Variants in MYBPC1 observed in about 807,000 individuals in gnomAD.
The protein encoded by MYBPC1 is myosin binding protein C1, also known as myosin-binding protein C, slow-type.
A neutral mutation model predicts 147.1 loss-of-function variants in MYBPC1; 52 were observed. The ratio of observed to expected loss-of-function variants is 0.35; its 90% CI spans 0.28 to 0.45. MYBPC1 has a LOEUF of 0.45. Ranked by LOEUF, MYBPC1 falls within the 20% of genes least tolerant of loss-of-function variation. The probability of loss-of-function intolerance (pLI) is 1.00; values close to 1 mark genes in which losing one functional copy is unlikely to be tolerated. For synonymous variants in MYBPC1, 477 were observed against 475.9 expected (o/e 1.00, Z -0.03); for missense variants, 1,228 against 1,440.3 (o/e 0.85, Z 2.39).
At chr12:101,595,643 T>C (rs760939452) in intron 1 of MYBPC1, among the ~76,000 whole-genome samples, 47 of 152,264 alleles carry the variant, frequency 3.1e-4, no homozygotes, top group Non-Finnish European at 6.2e-4. Flanking sequence ...GGAGGTTCGT[T>C]ATTAAATTCT....
At chr12:101,680,786 C>T (rs148455886) in intron 29 of MYBPC1, among the ~76,000 whole-genome samples, 106 of 152,152 alleles carry the variant, frequency 7.0e-4, no homozygotes, top group African/African-American at 2.4e-3. Context: ...GTGATTTGTG[C>T]TAAGGGACTG....
Position 101,649,307 on chromosome 12 carries a change from G to A in MYBPC1, c.1244G>A (p.Arg415Gln), listed in dbSNP as rs147400257. ...ATCCCTGGTCCAAAATCAAGATACC[G>A]AATTAGAGTTGAGGGTAAAAAACAC... ...EIIPGPKSRY[R>Q]IRVEGKKHIL... Residue 415 changes from arginine (R) to glutamine (Q), a missense_variant, in exon 15 of 32, where the codon CGA (arginine) becomes CAA (glutamine). This residue lies in a region of MYBPC1 where 1,077 missense variants were observed against 1,314.2 expected (regional missense o/e 0.82). Coordinates refer to ENST00000361466, the MANE Select transcript of MYBPC1 (RefSeq NM_002465.4). The A allele has an allele frequency of 1.7e-5, 27 of 1,613,638 alleles. No homozygotes were observed. Among genetic ancestry groups the A allele is most frequent in the African/African-American group, 1.2e-4 (9 of 74,904 alleles).
At chr12:101,663,663 C>T (rs781108643) in intron 22 of MYBPC1, 103 bp downstream of exon 22, 182 of 1,331,130 alleles carry the variant, frequency 1.4e-4, no homozygotes, top group Non-Finnish European at 1.8e-4. Flanking sequence ...CACCTTCCTA[C>T]GAAAATAAGA....
intron 26 of MYBPC1, among the ~76,000 whole-genome samples, chr12:101,676,921 A>G (rs1420274035): frequency 6.6e-6 from 1 of 152,236 alleles, no homozygotes; most frequent in African/African-American, 2.4e-5. Context: ...AGACAGGTAG[A>G]TAAATAGATG....
chr12:101,652,777 T>C lies in MYBPC1; in HGVS notation c.1626T>C (p.His542=). 6.2e-7 allele frequency: 1 copy of C among 1,609,406 alleles called. No individual in the cohort carries two copies. The highest frequency in any genetic ancestry group is 8.5e-7 in the Non-Finnish European group (1 of 1,175,736). ...AYNVTLPAKV[H]VIDPPKIILD... The stretch of plus-strand genomic sequence containing the variant: ...ATGTTACTCTGCCTGCCAAAGTTCA[T>C]GTTATTGGTGAGTAGATAAAATAAT... Residue 542 remains histidine, a synonymous_variant, in exon 17 of 32, where the codon CAT becomes CAC. Transcript: ENST00000361466.
At chr12:101,687,558 C>T (rs2888579), downstream of MYBPC1, among the ~76,000 whole-genome samples, 1,959 of 152,266 alleles carry the variant, frequency 0.013, 35 homozygotes, top group African/African-American at 0.043. Flanking sequence ...AAGAAAGCTA[C>T]GTGCACAGTA....
rs1280010451 is a variant in MYBPC1 at position 101,653,170 on chromosome 12, T to C, written c.1689T>C (p.Ile563=). Residue 563 remains isoleucine (I), a synonymous_variant, in exon 18 of 32, where the codon ATT becomes ATC. Transcript: ENST00000361466. ...GLDADNTVTV[I]AGNKLRLEIP... is the part of the protein sequence containing the mutation. ...ATGCTGACAACACAGTGACAGTGATTGCAGGAAACAAGCTTCGTCTTGAGA... is the reference window on the plus strand; with the variant it reads ...ATGCTGACAACACAGTGACAGTGATCGCAGGAAACAAGCTTCGTCTTGAGA... 6.2e-7 allele frequency: 1 copy of C among 1,614,164 alleles called. No homozygotes were observed. Among genetic ancestry groups the C allele is most frequent in the Non-Finnish European group, 8.5e-7 (1 of 1,180,016 alleles).
intron 22 of MYBPC1, 33 bp from the exon 23 acceptor site, chr12:101,667,699 C>T (rs1201408031): frequency 2.5e-6 from 4 of 1,613,284 alleles, no homozygotes; most frequent in Non-Finnish European, 3.4e-6. Context: ...AACAGCATTC[C>T]TCCTTCTTTT....
chr12:101,677,791 A>T (rs1169171771), intron 27 of MYBPC1, among the ~76,000 whole-genome samples: 1 of 152,206 alleles, frequency 6.6e-6, no homozygotes, highest in Non-Finnish European at 1.5e-5. Context: ...TTTCATCATA[A>T]ACCACTCTTC....
At chr12:101,673,722 C>G in intron 25 of MYBPC1, 100 bp downstream of exon 25, 1 of 1,250,482 alleles carries the variant, frequency 8.0e-7, no homozygotes, top group Non-Finnish European at 1.2e-6. Flanking sequence ...TAGGCTGGCT[C>G]TACATAAAAC....
chr12:101,675,226 C>T (rs2136751091), intron 25 of MYBPC1, 66 bp from the exon 26 acceptor site: 2 of 1,597,666 alleles, frequency 1.3e-6, no homozygotes, highest in Non-Finnish European at 1.7e-6. Flanking sequence ...AAAATATCCT[C>T]ATGAAACAAA....
At chr12:101,654,156 G>A (rs1852529) in intron 18 of MYBPC1, among the ~76,000 whole-genome samples, 58,136 of 152,060 alleles carry the variant, frequency 0.38, 12,240 homozygotes, top group Admixed American at 0.54. Flanking sequence ...GCAGTGAGCC[G>A]AGATCACGCC....
chr12:101,648,264 C>A, intron 14 of MYBPC1, 114 bp downstream of exon 14: 1 of 727,298 alleles, frequency 1.4e-6, no homozygotes, highest in East Asian at 3.0e-5. Context: ...CAATCTCCAC[C>A]TCATTTGTGT....
chr12:101,648,301 C>T, intron 14 of MYBPC1, 151 bp downstream of exon 14: 2 of 589,628 alleles, frequency 3.4e-6, no homozygotes, highest in Non-Finnish European at 6.0e-6. Flanking sequence ...TAAAAGTATA[C>T]TAATATACTG....
At chr12:101,672,659 C>T (rs927615143) in intron 24 of MYBPC1, among the ~76,000 whole-genome samples, 1 of 152,008 alleles carries the variant, frequency 6.6e-6, no homozygotes, top group Non-Finnish European at 1.5e-5. Context: ...ACCAGCCTGG[C>T]CAACTTGGTG....
intron 3 of MYBPC1, among the ~76,000 whole-genome samples, chr12:101,623,650 G>T (rs1887938245): frequency 6.6e-6 from 1 of 152,100 alleles, no homozygotes; most frequent in Non-Finnish European, 1.5e-5. Context: ...AATAAAGAAA[G>T]CTCCTTTCTA....
chr12:101,675,599 C>A (rs992494404), intron 26 of MYBPC1, among the ~76,000 whole-genome samples, 168 bp downstream of exon 26: 11 of 152,194 alleles, frequency 7.2e-5, no homozygotes, highest in Non-Finnish European at 1.6e-4. Flanking sequence ...TGGTCTTAAA[C>A]CCCAGCATTG....
chr12:101,634,646 C>T lies in MYBPC1; in HGVS notation c.608+41C>T. On this transcript the variant is annotated intron_variant, in intron 9 of 31. Transcript: ENST00000361466. ...AAATCTAGATAGCTTTTGTATAACA[C>T]AGAAGTGGAGGATTTTCAAACACAT... is the stretch of plus-strand genomic sequence containing the variant. 2.7e-6 allele frequency: 4 copies of T among 1,482,924 alleles called. No homozygotes were observed. In the African/African-American group the frequency reaches 4.2e-5, roughly 15 times the overall value. The allele number at this position is 1,482,924 out of a possible 1,614,324, so 91.9% of individuals were successfully genotyped here.
At chr12:101,643,716 T>C (rs1262468141) in intron 11 of MYBPC1, among the ~76,000 whole-genome samples, 1 of 152,174 alleles carries the variant, frequency 6.6e-6, no homozygotes, top group Admixed American at 6.5e-5. Context: ...TTAACTATCT[T>C]TATTTAGGAC....
Sources: gnomAD v4.1 joint callset for allele counts (sites outside exome capture counted in the v4.1 genomes callset) on GRCh38, gnomAD v4.1.1 for gene constraint, gnomAD v4.1.1 regional missense constraint, MANE v1.5 for transcripts, NCBI Gene and HGNC (gene_info 2026-07-23, HGNC 2026-07-21) for gene names.